Variants in CACNA2D1 observed in about 807,000 individuals in gnomAD.
CACNA2D1 encodes the protein calcium voltage-gated channel auxiliary subunit alpha2delta 1.
Under a neutral mutation model 171.5 loss-of-function variants are expected in CACNA2D1, and 53 were observed. The ratio of observed to expected loss-of-function variants is 0.31; its 90% CI spans 0.25 to 0.39. The LOEUF (loss-of-function observed/expected upper bound fraction) is 0.39. Among genes scored for constraint, CACNA2D1 ranks in the 10% least tolerant of loss-of-function variants. The pLI, the probability that CACNA2D1 is intolerant of heterozygous loss-of-function variation, is 1.00. For synonymous variants in CACNA2D1, 442 were observed against 443.1 expected, an observed-to-expected ratio of 1.00 and a Z score of 0.03; for missense variants, 903 against 1,299.8, an observed-to-expected ratio of 0.69 and a Z score of 4.69.
At chr7:82,346,296 C>T (rs947694764) in intron 2 of CACNA2D1, among the ~76,000 whole-genome samples, 1 of 152,130 alleles carries the variant, frequency 6.6e-6, no homozygotes, top group African/African-American at 2.4e-5. Context: ...CCAGCTTATA[C>T]AATGTCACCA....
intron 3 of CACNA2D1, among the ~76,000 whole-genome samples, chr7:82,299,373 G>A (rs867809694): frequency 6.6e-6 from 1 of 151,736 alleles, no homozygotes; most frequent in Non-Finnish European, 1.5e-5. Context: ...AAAGTTAGAT[G>A]AGAATGGCTG....
intron 7 of CACNA2D1, among the ~76,000 whole-genome samples, chr7:82,084,402 AAATTC>A (rs1810196241): frequency 1.3e-5 from 2 of 152,206 alleles, no homozygotes; most frequent in South Asian, 4.1e-4. Flanking sequence ...CAATTTATAA[AAATTC>A]AATTCAATTC....
At chr7:82,186,255 A>AAGAAAGGAAGG (rs1563174157) in intron 3 of CACNA2D1, among the ~76,000 whole-genome samples, 1 of 111,424 alleles carries the variant, frequency 9.0e-6, no homozygotes, top group East Asian at 3.4e-4. Flanking sequence ...AGGAAGGAAG[A>AAGAAAGGAAGG]AAGGAAGGAA....
At chr7:82,026,285 T>C (rs1323705683) in intron 12 of CACNA2D1, among the ~76,000 whole-genome samples, 1 of 151,652 alleles carries the variant, frequency 6.6e-6, no homozygotes, top group Non-Finnish European at 1.5e-5. Flanking sequence ...ACATTTAAAA[T>C]TATTATTGAT....
chr7:82,066,909 G>A (rs961173884), intron 7 of CACNA2D1, among the ~76,000 whole-genome samples: 2 of 151,936 alleles, frequency 1.3e-5, no homozygotes, highest in Non-Finnish European at 2.9e-5. Flanking sequence ...TTCGTTCAAT[G>A]CCATATTCTC....
chr7:82,403,735 G>A (rs1826714885), intron 1 of CACNA2D1, among the ~76,000 whole-genome samples: 1 of 152,168 alleles, frequency 6.6e-6, no homozygotes, highest in Non-Finnish European at 1.5e-5. Context: ...ACTACATCAT[G>A]GGGGAAGACC....
At chr7:81,977,358 C>T (rs1795958766) in intron 24 of CACNA2D1, among the ~76,000 whole-genome samples, 1 of 151,946 alleles carries the variant, frequency 6.6e-6, no homozygotes, top group South Asian at 2.1e-4. Flanking sequence ...TACAAGGCTA[C>T]AGTAACCAAA....
chr7:82,010,960 C>G (rs1799709769), intron 15 of CACNA2D1, among the ~76,000 whole-genome samples: 1 of 152,060 alleles, frequency 6.6e-6, no homozygotes, highest in South Asian at 2.1e-4. Context: ...GTAAATTATT[C>G]ATAAGTTCTT....
chr7:82,107,586 C>CTTTGT, intron 6 of CACNA2D1, among the ~76,000 whole-genome samples: 1 of 135,668 alleles, frequency 7.4e-6, no homozygotes, highest in East Asian at 2.2e-4. Context: ...TGAAAATAAA[C>CTTTGT]TTTTTTTTTT....
rs574885677 is a variant in CACNA2D1 at position 82,165,367 on chromosome 7, T to A, written c.354+5183A>T. ...ATCACGTACTATTGTCATTTTGGCT[T>A]TAATAGAAATGGAAAGTGAGGTCAG... On this transcript the variant is annotated intron_variant, in intron 4 of 38. Coordinates refer to ENST00000356860, the MANE Select transcript of CACNA2D1 (RefSeq NM_000722.4). 3.5e-4 allele frequency among the ~76,000 whole-genome samples: 53 copies of A among 152,152 alleles called. 1 individual carries two copies. The highest frequency in any genetic ancestry group is 4.6e-4 in the Admixed American group (7 of 15,242).
chr7:82,194,789 A>T (rs1223626125), intron 3 of CACNA2D1, among the ~76,000 whole-genome samples: 1 of 152,030 alleles, frequency 6.6e-6, no homozygotes, highest in Non-Finnish European at 1.5e-5. Flanking sequence ...AAAACCTACG[A>T]TAAGAAATAA....
chr7:82,356,729 A>T (rs1028102797), intron 1 of CACNA2D1, among the ~76,000 whole-genome samples: 1 of 152,124 alleles, frequency 6.6e-6, no homozygotes, highest in Non-Finnish European at 1.5e-5. Flanking sequence ...ATCAGAAAAA[A>T]AAAATGAACT....
intron 10 of CACNA2D1, among the ~76,000 whole-genome samples, chr7:82,057,770 AAG>A (rs1359760028): frequency 6.6e-6 from 1 of 152,100 alleles, no homozygotes; most frequent in Admixed American, 6.6e-5. Flanking sequence ...CAGGAGGAGT[AAG>A]AGTCTGGTTC....
intron 18 of CACNA2D1, among the ~76,000 whole-genome samples, chr7:82,004,930 C>A (rs1323673461): frequency 6.6e-6 from 1 of 152,136 alleles, no homozygotes; most frequent in Non-Finnish European, 1.5e-5. Context: ...AAGCCCATCA[C>A]ATGGATTTTA....
At chr7:82,396,019 G>C (rs1174600998) in intron 1 of CACNA2D1, among the ~76,000 whole-genome samples, 3 of 152,080 alleles carry the variant, frequency 2.0e-5, no homozygotes, top group Non-Finnish European at 4.4e-5. Flanking sequence ...AGAATTGTTT[G>C]GACTTTCTAA....
chr7:82,410,171 T>C (rs1229159912), intron 1 of CACNA2D1, among the ~76,000 whole-genome samples: 2 of 152,202 alleles, frequency 1.3e-5, no homozygotes, highest in Non-Finnish European at 2.9e-5. Flanking sequence ...GATAAACCTC[T>C]AAGTAATAGT....
chr7:82,037,502 AT>A (rs148629747), intron 11 of CACNA2D1, among the ~76,000 whole-genome samples: 2,251 of 152,082 alleles, frequency 0.015, 68 homozygotes, highest in African/African-American at 0.052. Context: ...GACACATGCT[AT>A]AACATGGGGC....
chr7:82,005,953 AT>A, intron 16 of CACNA2D1, 114 bp from the exon 17 acceptor site: 1 of 735,842 alleles, frequency 1.4e-6, no homozygotes, highest in East Asian at 2.6e-5. Context: ...ATTAGTTTAA[AT>A]GTATATATAG....
chr7:82,372,378 G>C lies in CACNA2D1; in HGVS notation c.96-22729C>G, dbSNP rs186263125. On this transcript the variant is annotated intron_variant, in intron 1 of 38. Transcript: ENST00000356860. ...TAAGCTATAAACTTCAAAATATTGT[G>C]TGGCTTTACTGTAGCGTTTCCAAAA... Among the ~76,000 whole-genome samples the C allele has an allele frequency of 5.3e-3, 801 of 152,152 alleles. 6 individuals carry two copies. The highest frequency in any genetic ancestry group is 0.024 in the Middle Eastern group (7 of 292).
Sources: gnomAD v4.1 joint callset for allele counts (sites outside exome capture counted in the v4.1 genomes callset) on GRCh38, gnomAD v4.1.1 for gene constraint, MANE v1.5 for transcripts, NCBI Gene and HGNC (gene_info 2026-07-23, HGNC 2026-07-21) for gene names.